The following NKAIN2 variants were observed in gnomAD, a reference collection of about 807,000 sequenced individuals.
NKAIN2 encodes sodium/potassium transporting ATPase interacting 2.
In NKAIN2, 14 loss-of-function variants were observed where a neutral mutation model predicts 32.6. The observed-to-expected ratio is 0.43, with a 90% confidence interval of 0.28 to 0.67. The LOEUF (loss-of-function observed/expected upper bound fraction) is 0.67. Among genes scored for constraint, NKAIN2 ranks in the 30% least tolerant of loss-of-function variants. NKAIN2 has a pLI of 0.17. For synonymous variants in NKAIN2, 80 were observed against 87.2 expected, an observed-to-expected ratio of 0.92 and a Z score of 0.46; for missense variants, 198 against 258.3, an observed-to-expected ratio of 0.77 and a Z score of 1.60.
chr6:124,285,654 A>T (rs139381440), intron 2 of NKAIN2, among the ~76,000 whole-genome samples: 2 of 152,126 alleles, frequency 1.3e-5, no homozygotes, highest in East Asian at 3.9e-4. Context: ...TGTCTGTGTA[A>T]CTTCTGTGCA....
chr6:123,874,637 T>C (rs1773078781), intron 1 of NKAIN2, among the ~76,000 whole-genome samples: 1 of 152,252 alleles, frequency 6.6e-6, no homozygotes, highest in East Asian at 1.9e-4. Flanking sequence ...GAAATATATA[T>C]TTTTCAGAAT....
At chr6:124,099,203 T>C (rs568838768) in intron 1 of NKAIN2, among the ~76,000 whole-genome samples, 1 of 152,272 alleles carries the variant, frequency 6.6e-6, no homozygotes, top group African/African-American at 2.4e-5. Flanking sequence ...AATTGGTTGA[T>C]TATCTAATAT....
intron 3 of NKAIN2, among the ~76,000 whole-genome samples, chr6:124,407,465 A>G (rs1442130454): frequency 1.3e-5 from 2 of 150,832 alleles, no homozygotes; most frequent in South Asian, 2.1e-4. Context: ...TTGTCCTTGC[A>G]ATAGTTTGCT....
intron 3 of NKAIN2, among the ~76,000 whole-genome samples, chr6:124,446,129 T>C (rs1775882138): frequency 6.6e-6 from 1 of 152,058 alleles, no homozygotes; most frequent in African/African-American, 2.4e-5. Context: ...CAACATCCTG[T>C]TTATTATTTT....
At chr6:124,010,399 T>G (rs1216623826) in intron 1 of NKAIN2, among the ~76,000 whole-genome samples, 1 of 151,902 alleles carries the variant, frequency 6.6e-6, no homozygotes, top group Non-Finnish European at 1.5e-5. Flanking sequence ...GAATTTTTAA[T>G]CTCTTTCTTC....
rs1297630731 is a variant in NKAIN2 at position 124,290,511 on chromosome 6, TGTG to T, written c.192+7370_192+7372del. On this transcript the variant is annotated intron_variant, in intron 2 of 6. Coordinates refer to ENST00000368417, the MANE Select transcript of NKAIN2 (RefSeq NM_001040214.3). ...AGTTCTTCTGGGGTTACCTCAGAAA[TGTG>T]TGTGTGTGTGTGTGTGTGTGTGTGT... is the stretch of plus-strand genomic sequence containing the variant. Among the ~76,000 whole-genome samples the T allele has an allele frequency of 7.5e-4, 12 of 16,028 alleles. 1 individual carries two copies. The highest frequency in any genetic ancestry group is 0.028 in the Middle Eastern group (1 of 36). The allele number at this position is 16,028 out of a possible 152,430, so 10.5% of individuals were successfully genotyped here. A position where few individuals can be genotyped will look rare whatever the true frequency, so the allele number is the denominator to read the frequency against.
intron 3 of NKAIN2, among the ~76,000 whole-genome samples, chr6:124,644,880 C>G (rs1784114211): frequency 6.6e-6 from 1 of 152,048 alleles, no homozygotes; most frequent in Non-Finnish European, 1.5e-5. Flanking sequence ...TCAAGAAAAC[C>G]CTTATGTTGT....
intron 3 of NKAIN2, among the ~76,000 whole-genome samples, chr6:124,567,658 G>A (rs191169235): frequency 5.9e-5 from 9 of 152,338 alleles, no homozygotes; most frequent in Admixed American, 1.3e-4. Flanking sequence ...TGATCTCAGT[G>A]AGGATCACTC....
At chr6:124,536,602 A>G (rs896302547) in intron 3 of NKAIN2, among the ~76,000 whole-genome samples, 2 of 152,142 alleles carry the variant, frequency 1.3e-5, no homozygotes, top group Non-Finnish European at 2.9e-5. Flanking sequence ...AGAAAAATTC[A>G]TGAGCTAGCT....
At chr6:124,246,584 G>A (rs1793412416) in intron 1 of NKAIN2, among the ~76,000 whole-genome samples, 1 of 151,988 alleles carries the variant, frequency 6.6e-6, no homozygotes, top group Non-Finnish European at 1.5e-5. Context: ...AATCCGTGTG[G>A]CCTCGACACC....
intron 3 of NKAIN2, among the ~76,000 whole-genome samples, chr6:124,546,530 A>G (rs892832242): frequency 4.6e-5 from 7 of 151,746 alleles, no homozygotes; most frequent in Admixed American, 3.9e-4. Context: ...AAGATATAAT[A>G]TTATCTATTA....
intron 1 of NKAIN2, among the ~76,000 whole-genome samples, chr6:123,850,098 A>G (rs1258944447): frequency 1.3e-5 from 2 of 151,550 alleles, no homozygotes; most frequent in South Asian, 2.1e-4. Flanking sequence ...GAGAGCCCGC[A>G]TGCCGAGCTG....
At chr6:124,735,342 A>C (rs1776883651) in intron 4 of NKAIN2, among the ~76,000 whole-genome samples, 1 of 151,974 alleles carries the variant, frequency 6.6e-6, no homozygotes, top group Non-Finnish European at 1.5e-5. Flanking sequence ...AGAGATAATC[A>C]TAATCACTCA....
chr6:124,750,535 GGA>G lies in NKAIN2; in HGVS notation c.475-40803_475-40802del, dbSNP rs1385951905. On this transcript the variant is annotated intron_variant, in intron 4 of 6. Coordinates refer to ENST00000368417, the MANE Select transcript of NKAIN2 (RefSeq NM_001040214.3). ...TGGATGGATGGATGGATGGATGGAT[GGA>G]TGGATGGATATGAGATAAATGTAGA... 4.0e-5 allele frequency among the ~76,000 whole-genome samples: 6 copies of G among 150,202 alleles called. No homozygotes were observed. In the East Asian group the frequency reaches 9.8e-4, roughly 24 times the overall value.
intron 3 of NKAIN2, among the ~76,000 whole-genome samples, chr6:124,590,995 C>A: frequency 6.6e-6 from 1 of 152,188 alleles, no homozygotes; most frequent in Admixed American, 6.5e-5. Context: ...ATATCAGGAA[C>A]AAAGATCAAC....
intron 1 of NKAIN2, among the ~76,000 whole-genome samples, chr6:124,202,710 G>A (rs1228670503): frequency 6.6e-6 from 1 of 151,640 alleles, no homozygotes; most frequent in Non-Finnish European, 1.5e-5. Context: ...AAAATTGTTG[G>A]GACAGCTGGA....
intron 4 of NKAIN2, among the ~76,000 whole-genome samples, chr6:124,687,802 T>C (rs1467198629): frequency 8.4e-5 from 12 of 143,554 alleles, no homozygotes; most frequent in Non-Finnish European, 1.7e-4. Context: ...ATTAGTTCTG[T>C]CCCTCTAGAG....
intron 3 of NKAIN2, among the ~76,000 whole-genome samples, chr6:124,537,922 T>C (rs9401752): frequency 0.027 from 4,140 of 152,304 alleles, 197 homozygotes; most frequent in East Asian, 0.16. Flanking sequence ...GTAAATCTTT[T>C]TAATTACCTT....
Position 124,407,450 on chromosome 6 carries a change from G to T in NKAIN2, c.273+52103G>T, listed in dbSNP as rs1255419996. Among the ~76,000 whole-genome samples the T allele has an allele frequency of 2.0e-5, 3 of 151,096 alleles. No homozygotes were observed. In the Admixed American group the frequency reaches 2.0e-4, roughly 10 times the overall value. On this transcript the variant is annotated intron_variant, in intron 3 of 6. Transcript: ENST00000368417. ...TATGAGTGAGAACATGCGGTGTTTG[G>T]TTTTTTGTCCTTGCAATAGTTTGCT... is the stretch of plus-strand genomic sequence containing the variant.
Sources: gnomAD v4.1 joint callset for allele counts (sites outside exome capture counted in the v4.1 genomes callset) on GRCh38, gnomAD v4.1.1 for gene constraint, MANE v1.5 for transcripts, NCBI Gene and HGNC (gene_info 2026-07-23, HGNC 2026-07-21) for gene names.